SART3: variants seen among roughly 807,000 people sequenced by gnomAD.
SART3 encodes HIV-1 Tat-interacting protein of 110kDa.
SART3 carries 44 observed loss-of-function variants against 122.3 expected under a neutral mutation model. The observed-to-expected ratio is 0.36, with a 90% CI of 0.28 to 0.46. The LOEUF (loss-of-function observed/expected upper bound fraction) is 0.46, where lower values mean the gene tolerates loss of function less well. Among genes scored for constraint, SART3 ranks in the 20% least tolerant of loss-of-function variants. The probability of loss-of-function intolerance (pLI) is 1.00; values close to 1 mark genes in which losing one functional copy is unlikely to be tolerated. For missense variants in SART3, 1,101 were observed against 1,229.0 expected (o/e 0.90, Z 1.56); for synonymous variants, 442 against 454.0 (o/e 0.97, Z 0.34).
At position 108,538,152 on chromosome 12, in the gene SART3, T is replaced by C. The variant is rs764047933; in HGVS notation, c.1114A>G (p.Ile372Val). 2.2e-5 allele frequency: 36 copies of C among 1,614,228 alleles called. No individual in the cohort carries two copies. Among genetic ancestry groups the C allele is most frequent in the Non-Finnish European group, 2.9e-5 (34 of 1,180,018 alleles). Residue 372 changes from isoleucine (I) to valine (V), a missense_variant, in exon 8 of 19, where the codon ATT becomes GTT. Ile to Val is a conservative substitution (Grantham distance 29, BLOSUM62 3). Transcript: ENST00000546815. The stretch of plus-strand genomic sequence containing the variant: ...GCAACTGTCCAGGGGCAGTTTCTAA[T>C]AGCGCGGTTATGTACAGATAAAACC... ...DLVLSVHNRA[I>V]RNCPWTVALW...
chr12:108,529,478 GC>G (rs1412463173), intron 15 of SART3, among the ~76,000 whole-genome samples: 2 of 152,180 alleles, frequency 1.3e-5, no homozygotes. Context: ...GGTATTGTGT[GC>G]TAGAAGGTAA....
Position 108,538,004 on chromosome 12 carries a change from C to T in SART3, c.1201+61G>A, listed in dbSNP as rs923234085. ...AACACTGATGTAATGACTTTGTCACCGCTCTCTGTTTTTCACTTGGGACAA... is the reference window on the plus strand; with the variant it reads ...AACACTGATGTAATGACTTTGTCACTGCTCTCTGTTTTTCACTTGGGACAA... On this transcript the variant is annotated intron_variant, in intron 8 of 18. Coordinates refer to ENST00000546815, the MANE Select transcript of SART3 (RefSeq NM_014706.4). 2.2e-5 allele frequency: 35 copies of T among 1,607,276 alleles called. No individual in the cohort carries two copies. In the East Asian group the frequency reaches 2.9e-4, roughly 13 times the overall value.
chr12:108,560,780 A>C, intron 1 of SART3, 63 bp downstream of exon 1: 1 of 1,436,432 alleles, frequency 7.0e-7, no homozygotes, highest in Non-Finnish European at 9.4e-7. Context: ...GAGGCGGGCC[A>C]GGACATGGGG....
chr12:108,542,797 C>T (rs1565863729), intron 6 of SART3: 4 of 621,204 alleles, frequency 6.4e-6, no homozygotes, highest in Middle Eastern at 2.5e-4. Flanking sequence ...AGGAGGCAAT[C>T]GGAGAGGGGC....
At chr12:108,526,864 G>A (rs1020428037) in intron 15 of SART3, among the ~76,000 whole-genome samples, 3 of 152,096 alleles carry the variant, frequency 2.0e-5, no homozygotes, top group African/African-American at 7.2e-5. Context: ...CAAATTCCAG[G>A]GCCCCTCTCC....
At chr12:108,541,728 C>T (rs898934883) in intron 6 of SART3, among the ~76,000 whole-genome samples, 1 of 151,864 alleles carries the variant, frequency 6.6e-6, no homozygotes, top group Non-Finnish European at 1.5e-5. Context: ...TTAGTAGAGA[C>T]GGGGTTTCAC....
At chr12:108,548,973 C>T in intron 2 of SART3, 115 bp downstream of exon 2, 3 of 1,512,006 alleles carry the variant, frequency 2.0e-6, no homozygotes, top group Non-Finnish European at 2.7e-6. Context: ...TTTCTTCTTT[C>T]CACTACACTG....
intron 6 of SART3, among the ~76,000 whole-genome samples, chr12:108,539,520 T>C (rs1312863744): frequency 2.6e-5 from 4 of 152,232 alleles, no homozygotes; most frequent in African/African-American, 7.2e-5. Context: ...TTATTCCAAA[T>C]ATCAGTTCCT....
chr12:108,547,654 G>C (rs1053000311), intron 3 of SART3, among the ~76,000 whole-genome samples: 1 of 152,152 alleles, frequency 6.6e-6, no homozygotes, highest in African/African-American at 2.4e-5. Flanking sequence ...AATAAATCCT[G>C]AGTGTGAGTG....
At chr12:108,554,690 A>T (rs2136695129) in intron 1 of SART3, among the ~76,000 whole-genome samples, 1 of 148,722 alleles carries the variant, frequency 6.7e-6, no homozygotes, top group East Asian at 1.9e-4. Flanking sequence ...ATTTATATTT[A>T]GTAAATTTAA....
rs781070503 is a variant in SART3, at chr12:108,525,588, G to C, written c.2392C>G (p.Leu798Val). The change falls in exon 17 of 19, where the codon CTA (leucine) becomes GTA (valine). Residue 798 changes from leucine (L) to valine (V), a missense_variant. Around this residue, in one of 2 missense-constraint regions of SART3, gnomAD observed 885 missense variants for 1,080.1 expected, o/e 0.82. Transcript: ENST00000546815. ...GAGATGAACAGCTTGTGTTTCTCTA[G>C]GGAAGTGCTGTACCTGAACACCTAT... ...DFKVFRYSTS[L>V]EKHKLFISGL... The C allele has an allele frequency of 1.2e-6, 2 of 1,614,106 alleles. No homozygotes were observed. Among genetic ancestry groups the C allele is most frequent in the Non-Finnish European group, 1.7e-6 (2 of 1,179,984 alleles).
chr12:108,541,763 C>T (rs1487162559), intron 6 of SART3, among the ~76,000 whole-genome samples: 3 of 152,100 alleles, frequency 2.0e-5, no homozygotes, highest in African/African-American at 7.2e-5. Context: ...TGGTCTCAAA[C>T]TCCTGACCTC....
intron 1 of SART3, among the ~76,000 whole-genome samples, chr12:108,558,978 A>C (rs1431483170): frequency 6.9e-6 from 1 of 144,108 alleles, no homozygotes; most frequent in African/African-American, 2.5e-5. Context: ...GCTTGCAGTG[A>C]GCCGAGATCG....
chr12:108,545,351 T>G, intron 3 of SART3, 28 bp from the exon 4 acceptor site: 1 of 1,611,986 alleles, frequency 6.2e-7, no homozygotes, highest in Non-Finnish European at 8.5e-7. Context: ...TCAATTAGTT[T>G]GGGATATAAA....
At chr12:108,537,705 T>C (rs534220492) in intron 8 of SART3, 110 bp from the exon 9 acceptor site, 10 of 812,164 alleles carry the variant, frequency 1.2e-5, no homozygotes, top group African/African-American at 6.8e-5. Flanking sequence ...GACTAATAGA[T>C]GCAACAGAAT....
At position 108,523,175 on chromosome 12, in the gene SART3, G is replaced by A. The variant is rs566629256; in HGVS notation, c.*282C>T. On this transcript the variant is annotated 3_prime_UTR_variant, in exon 19 of 19. Transcript: ENST00000546815. ...CTCAAAAACAGTGTGTTCTCGTTTC[G>A]CTTCTGTGCCTCAGTCTTTAAGATA... 5.2e-5 allele frequency: 28 copies of A among 533,636 alleles called. No individual in the cohort carries two copies. The highest frequency in any genetic ancestry group is 8.8e-5 in the Non-Finnish European group (26 of 296,200). 33.1% of individuals were successfully genotyped at this position (533,636 alleles called of 1,614,324 possible).
At position 108,561,135 on chromosome 12, in the gene SART3, G is replaced by T. The variant is rs776663380; in HGVS notation, c.20C>A (p.Thr7Asn). The change falls in exon 1 of 19, where the codon ACC (threonine) becomes AAC (asparagine). Residue 7 changes from threonine (T) to asparagine (N), a missense_variant. Coordinates refer to ENST00000546815, the MANE Select transcript of SART3 (RefSeq NM_014706.4). MATAAE[T>N]SASEPEAESK... ...CTCAGCCTCGGGTTCTGAAGCCGAGGTTTCGGCCGCAGTCGCCATCTTGCG... is the reference window on the plus strand; with the variant it reads ...CTCAGCCTCGGGTTCTGAAGCCGAGTTTTCGGCCGCAGTCGCCATCTTGCG... 2 of 1,613,248 alleles carry T rather than the reference G, an allele frequency of 1.2e-6. No homozygotes were observed. Among genetic ancestry groups the T allele is most frequent in the African/African-American group, 2.7e-5 (2 of 74,924 alleles).
At chr12:108,546,759 G>T (rs1266705299) in intron 3 of SART3, among the ~76,000 whole-genome samples, 2 of 152,064 alleles carry the variant, frequency 1.3e-5, no homozygotes, top group Non-Finnish European at 1.5e-5. Context: ...GGGCTCAAGG[G>T]ATCCGCCTGC....
chr12:108,558,941 G>A (rs879558094), intron 1 of SART3, among the ~76,000 whole-genome samples: 31 of 147,958 alleles, frequency 2.1e-4, no homozygotes, highest in Admixed American at 3.5e-4. Flanking sequence ...GCTGAGGCAG[G>A]AGAATGGCAT....
Sources: gnomAD v4.1 joint callset for allele counts (sites outside exome capture counted in the v4.1 genomes callset) on GRCh38, gnomAD v4.1.1 for gene constraint, gnomAD v4.1.1 regional missense constraint, MANE v1.5 for transcripts, NCBI Gene and HGNC (gene_info 2026-07-23, HGNC 2026-07-21) for gene names.